DOCK9: variants seen among roughly 807,000 people sequenced by gnomAD.
The protein encoded by DOCK9 is dedicator of cytokinesis protein 9.
In DOCK9, 89 loss-of-function variants were observed where a neutral mutation model predicts 263.3. That is an observed-to-expected ratio of 0.34 (90% CI 0.28 to 0.40). The LOEUF (loss-of-function observed/expected upper bound fraction) is 0.40. Among genes scored for constraint, DOCK9 ranks in the 10% least tolerant of loss-of-function variants. The pLI is 1.00. For synonymous variants in DOCK9, 976 were observed against 973.1 expected, an observed-to-expected ratio of 1.00 and a Z score of -0.06; for missense variants, 2,140 against 2,603.4, an observed-to-expected ratio of 0.82 and a Z score of 3.87.
intron 45 of DOCK9, among the ~76,000 whole-genome samples, chr13:98,815,559 C>G (rs184217297): frequency 1.3e-3 from 202 of 152,290 alleles, no homozygotes; most frequent in African/African-American, 4.4e-3. Flanking sequence ...TGGCTCACTG[C>G]AAGCTCTGCC....
chr13:98,966,178 G>A (rs2059170683), intron 1 of DOCK9, among the ~76,000 whole-genome samples: 1 of 152,244 alleles, frequency 6.6e-6, no homozygotes, highest in African/African-American at 2.4e-5. Context: ...CTTCCTCCAT[G>A]TCCTGTGCCC....
intron 45 of DOCK9, among the ~76,000 whole-genome samples, chr13:98,814,016 G>A (rs1043011213): frequency 1.3e-5 from 2 of 152,208 alleles, no homozygotes; most frequent in Non-Finnish European, 2.9e-5. Context: ...TACTGTAAAT[G>A]AAGGGCAAGG....
At chr13:98,846,149 C>A in intron 37 of DOCK9, 89 bp from the exon 38 acceptor site, 10 of 1,453,626 alleles carry the variant, frequency 6.9e-6, no homozygotes, top group Non-Finnish European at 9.3e-6. Context: ...CAGAACATGG[C>A]ACGAGGGAGA....
At chr13:98,887,143 A>ATTTTTTTTTTTTTTTTTTTTTTTTTTT (rs58434344) in intron 18 of DOCK9, among the ~76,000 whole-genome samples, 1 of 95,260 alleles carries the variant, frequency 1.0e-5, no homozygotes, top group African/African-American at 4.3e-5. Flanking sequence ...ATATATATAT[A>ATTTTTTTTTTTTTTTTTTTTTTTTTTT]TTTTTTTTTT....
Position 98,794,491 on chromosome 13 carries a change from G to A in DOCK9, c.*135C>T, listed in dbSNP as rs1292469486. On this transcript the variant is annotated 3_prime_UTR_variant, in exon 53 of 53. Transcript: ENST00000682017. ...TATAGAAAGTCTGTTAAGAAATAAC[G>A]TTGTTCTTTATTTCCTTTCTCTCCC... 9.5e-6 allele frequency: 9 copies of A among 946,486 alleles called. No individual in the cohort carries two copies. Among genetic ancestry groups the A allele is most frequent in the Middle Eastern group, 3.2e-4 (1 of 3,144 alleles). 58.6% of individuals were successfully genotyped at this position (946,486 alleles called of 1,614,324 possible). A position where few individuals can be genotyped will look rare whatever the true frequency, so the allele number is the denominator to read the frequency against.
rs1375848315 is a variant in DOCK9 at position 98,889,760 on chromosome 13, A to G, written c.1710-1049T>C. Among the ~76,000 whole-genome samples, 9 of 152,316 alleles carry G rather than the reference A, an allele frequency of 5.9e-5. No individual in the cohort carries two copies. The East Asian group carries it at 1.5e-3, about 26-fold the overall frequency. On this transcript the variant is annotated intron_variant, in intron 15 of 52. Coordinates refer to ENST00000682017, the MANE Select transcript of DOCK9 (RefSeq NM_001366683.2). ...AGCCCTCTATTCTCAGCACTTTTGC[A>G]CCTGCCCCAATGTCATTCTCTCCCA...
chr13:98,982,974 G>C (rs1194464485), upstream of DOCK9, among the ~76,000 whole-genome samples: 83 of 152,284 alleles, frequency 5.5e-4, 1 homozygote, highest in Non-Finnish European at 1.0e-4. Flanking sequence ...TTTTGAAACT[G>C]TAGATACTGT....
intron 9 of DOCK9, among the ~76,000 whole-genome samples, chr13:98,906,009 G>T (rs2139609356): frequency 6.6e-6 from 1 of 152,236 alleles, no homozygotes; most frequent in South Asian, 2.1e-4. Flanking sequence ...TTTCTAGCTT[G>T]GGCAGCCTGC....
intron 1 of DOCK9, among the ~76,000 whole-genome samples, chr13:99,033,575 T>C (rs1273283640): frequency 6.6e-6 from 1 of 152,226 alleles, no homozygotes; most frequent in Non-Finnish European, 1.5e-5. Context: ...AAATGGAAGC[T>C]CGTGCATCTT....
At chr13:99,003,387 T>C (rs948769866) in intron 1 of DOCK9, among the ~76,000 whole-genome samples, 3 of 152,204 alleles carry the variant, frequency 2.0e-5, no homozygotes, top group African/African-American at 7.2e-5. Flanking sequence ...CCCTTGGCTC[T>C]TTGCCTTCTG....
chr13:98,798,860 T>C (rs1289317), intron 50 of DOCK9, among the ~76,000 whole-genome samples: 118,752 of 152,200 alleles, frequency 0.78, 46,667 homozygotes, highest in Non-Finnish European at 0.83. Flanking sequence ...TTTTATAAAA[T>C]GCTAAGTTTA....
intron 1 of DOCK9, among the ~76,000 whole-genome samples, chr13:99,049,164 TGAA>T (rs1183196340): frequency 6.6e-6 from 1 of 152,244 alleles, no homozygotes; most frequent in Non-Finnish European, 1.5e-5. Context: ...ATTTTGGAGA[TGAA>T]ACCCAACTGT....
At position 98,824,395 on chromosome 13, in the gene DOCK9, C is replaced by G; in HGVS notation, c.5130+3G>C. The G allele has an allele frequency of 6.2e-7, 1 of 1,613,572 alleles. No homozygotes were observed. Among genetic ancestry groups the G allele is most frequent in the Non-Finnish European group, 8.5e-7 (1 of 1,179,584 alleles). ...GAAAGCCCACATGAGTTCAAGCACG[C>G]ACCTCGTTGAAATGGACATCCTGCA... On this transcript the variant is annotated splice_donor_region_variant and intron_variant, in intron 45 of 52. Transcript: ENST00000682017.
intron 1 of DOCK9, among the ~76,000 whole-genome samples, chr13:99,002,275 G>A (rs955526164): frequency 6.6e-6 from 1 of 152,150 alleles, no homozygotes; most frequent in Admixed American, 6.5e-5. Context: ...TGATGTGAGA[G>A]GAGGATCTAA....
At chr13:98,821,251 G>A (rs2092256228) in intron 45 of DOCK9, among the ~76,000 whole-genome samples, 1 of 152,256 alleles carries the variant, frequency 6.6e-6, no homozygotes, top group Non-Finnish European at 1.5e-5. Flanking sequence ...GCCCCAGTAG[G>A]AGGCTGGGGG....
rs1304903729 is a variant in DOCK9, at chr13:99,009,198, G to A, written c.130-53647C>T. Among the ~76,000 whole-genome samples the A allele has an allele frequency of 2.6e-5, 4 of 152,294 alleles. No individual in the cohort carries two copies. In the Middle Eastern group the frequency reaches 0.01, roughly 389 times the overall value. On this transcript the variant is annotated intron_variant, in intron 1 of 32. Coordinates refer to the DOCK9 transcript ENST00000427887. ...GGGGAAAGGTCTGGCCCTCTCTCGT[G>A]CTCACACACATTGGCTGCACTCAAA...
rs994312470 is a variant in DOCK9, at chr13:98,867,965, T to C, written c.3137A>G (p.Asn1046Ser). The part of the protein sequence containing the change: ...MDRGFVFKQI[N>S]NYISCFAPGD... ...AGGAGCAAAACAGCTAATGTAGTTG[T>C]TGATCTGCTTGAAGACAAAGCCCCT... Residue 1046 changes from asparagine to serine, a missense_variant, in exon 29 of 53, where the codon AAC (asparagine) becomes AGC (serine). By Grantham distance (46) the Asn-to-Ser change is conservative. This residue lies in a region of DOCK9 where 1,521 missense variants were observed against 1,741.7 expected (regional missense o/e 0.87). Coordinates refer to ENST00000682017, the MANE Select transcript of DOCK9 (RefSeq NM_001366683.2). 1.2e-6 allele frequency: 2 copies of C among 1,613,746 alleles called. No homozygotes were observed. Among genetic ancestry groups the C allele is most frequent in the African/African-American group, 1.3e-5 (1 of 75,052 alleles).
chr13:98,965,199 G>T (rs1181202395), intron 1 of DOCK9, among the ~76,000 whole-genome samples: 2 of 152,102 alleles, frequency 1.3e-5, no homozygotes, highest in Non-Finnish European at 2.9e-5. Flanking sequence ...CACACAGGAA[G>T]GTCCCACGCC....
chr13:98,999,490 C>T (rs535666233), intron 1 of DOCK9, among the ~76,000 whole-genome samples: 3 of 152,160 alleles, frequency 2.0e-5, no homozygotes, highest in Non-Finnish European at 4.4e-5. Flanking sequence ...CTGGCCTTCT[C>T]CTGAATTCTC....
Sources: gnomAD v4.1 joint callset for allele counts (sites outside exome capture counted in the v4.1 genomes callset) on GRCh38, gnomAD v4.1.1 for gene constraint, gnomAD v4.1.1 regional missense constraint, MANE v1.5 for transcripts, NCBI Gene and HGNC (gene_info 2026-07-23, HGNC 2026-07-21) for gene names.